Variants in PDZD2 observed in about 807,000 individuals in gnomAD.
PDZD2 encodes the protein PDZ domain-containing protein 2.
A neutral mutation model predicts 220.7 loss-of-function variants in PDZD2; 90 were observed. The observed-to-expected ratio is 0.41, with a 90% CI of 0.34 to 0.49. PDZD2 has a LOEUF of 0.49. PDZD2 is among the 20% of genes least tolerant of loss of function. The pLI is 0.28. For synonymous variants in PDZD2, 1,375 were observed against 1,450.5 expected, an observed-to-expected ratio of 0.95 and a Z score of 1.18; for missense variants, 3,174 against 3,608.5, an observed-to-expected ratio of 0.88 and a Z score of 3.08.
At position 31,989,424 on chromosome 5, in the gene PDZD2, T is replaced by TTTTTTTTTTTTTTTTTTTTTATTTATTTA. The variant is rs1429240437; in HGVS notation, c.978+5784_978+5785insTTTTATTTATTTATTTTTTTTTTTTTTTT. ...GGTATATACCACATTTTCTTTTCTTTTTTTTTTTTTTTTTTTGAGACGAAG... is the reference window on the plus strand; with the variant it reads ...GGTATATACCACATTTTCTTTTCTTTTTTTTTTTTTTTTTTTTTTTATTTATTTATTTTTTTTTTTTTTTTGAGACGAAG... On this transcript the variant is annotated intron_variant, in intron 3 of 24. Transcript: ENST00000438447. Among the ~76,000 whole-genome samples the TTTTTTTTTTTTTTTTTTTTTATTTATTTA allele has an allele frequency of 3.5e-3, 470 of 136,182 alleles. 3 individuals are homozygous for TTTTTTTTTTTTTTTTTTTTTATTTATTTA. Among genetic ancestry groups the TTTTTTTTTTTTTTTTTTTTTATTTATTTA allele is most frequent in the East Asian group, 0.014 (54 of 3,726 alleles). The allele number at this position is 136,182 out of a possible 152,430, so 89.3% of individuals were successfully genotyped here.
chr5:31,944,362 G>C (rs1350520473), intron 2 of PDZD2, among the ~76,000 whole-genome samples: 1 of 151,972 alleles, frequency 6.6e-6, no homozygotes, highest in African/African-American at 2.4e-5. Context: ...CAGGTGACTG[G>C]GGGATCTTGA....
chr5:31,777,055 C>A (rs1580733516), intron 1 of PDZD2, among the ~76,000 whole-genome samples: 1 of 152,308 alleles, frequency 6.6e-6, no homozygotes, highest in South Asian at 2.1e-4. Flanking sequence ...CCTCTCTGGG[C>A]TGGCCGAGCC....
At chr5:32,096,245 G>A (rs1252190069) in intron 21 of PDZD2, among the ~76,000 whole-genome samples, 1 of 152,112 alleles carries the variant, frequency 6.6e-6, no homozygotes, top group Non-Finnish European at 1.5e-5. Flanking sequence ...ACATATGGTT[G>A]AAGGTGCCCA....
intron 2 of PDZD2, among the ~76,000 whole-genome samples, chr5:31,909,361 A>G (rs1418608530): frequency 2.0e-5 from 3 of 152,216 alleles, no homozygotes; most frequent in African/African-American, 7.2e-5. Context: ...CACGTCATGT[A>G]GTTTGTCTAA....
chr5:31,676,290 C>T (rs1413493000), intron 1 of PDZD2, among the ~76,000 whole-genome samples: 1 of 152,176 alleles, frequency 6.6e-6, no homozygotes, highest in African/African-American at 2.4e-5. Flanking sequence ...ATTTCAAGCA[C>T]TCATAGGTCT....
chr5:31,810,910 T>C (rs1455502049), intron 2 of PDZD2, among the ~76,000 whole-genome samples: 2 of 152,276 alleles, frequency 1.3e-5, no homozygotes, highest in Admixed American at 1.3e-4. Flanking sequence ...CTTTGAGATG[T>C]GATCTTTCTC....
chr5:31,736,721 T>C (rs1321582800), intron 1 of PDZD2, among the ~76,000 whole-genome samples: 1 of 152,156 alleles, frequency 6.6e-6, no homozygotes, highest in Non-Finnish European at 1.5e-5. Context: ...AGTGTGGATA[T>C]TTGTCCCAGC....
chr5:31,966,927 A>G (rs951975676), intron 2 of PDZD2, among the ~76,000 whole-genome samples: 1 of 152,214 alleles, frequency 6.6e-6, no homozygotes, highest in Non-Finnish European at 1.5e-5. Context: ...TGCTCCGTAC[A>G]CTGTAGAGAA....
chr5:31,948,712 G>A (rs1746884920), intron 2 of PDZD2, among the ~76,000 whole-genome samples: 1 of 152,178 alleles, frequency 6.6e-6, no homozygotes, highest in Admixed American at 6.5e-5. Context: ...TGTGCTTCCT[G>A]GAGGGTACTT....
chr5:31,998,096 C>T (rs1000781686), intron 4 of PDZD2, among the ~76,000 whole-genome samples: 1 of 152,174 alleles, frequency 6.6e-6, no homozygotes, highest in Non-Finnish European at 1.5e-5. Flanking sequence ...CCATCTCAGC[C>T]TCCCAAGGGA....
intron 2 of PDZD2, among the ~76,000 whole-genome samples, chr5:31,815,245 C>CAAAAAAAAAAAAAAAAAAAA (rs59040987): frequency 2.1e-4 from 12 of 57,936 alleles, no homozygotes; most frequent in African/African-American, 8.1e-4. Context: ...AACTCTGTCT[C>CAAAAAAAAAAAAAAAAAAAA]AAAAAAAAAA....
Position 31,692,145 on chromosome 5 carries a change from C to G in PDZD2, c.-361+52708C>G, listed in dbSNP as rs554100499. ...CTCAGGCATGGCGGGCTGCAGGTCC[C>G]GAGCCCTGCTCGCGGGAAGGCAGCT... On this transcript the variant is annotated intron_variant, in intron 1 of 24. Coordinates refer to ENST00000438447, the MANE Select transcript of PDZD2 (RefSeq NM_178140.4). 1.3e-3 allele frequency among the ~76,000 whole-genome samples: 194 copies of G among 143,900 alleles called. 1 individual carries two copies. The highest frequency in any genetic ancestry group is 4.4e-3 in the Admixed American group (65 of 14,734). The allele number at this position is 143,900 out of a possible 152,430, so 94.4% of individuals were successfully genotyped here. A position where few individuals can be genotyped will look rare whatever the true frequency, so the allele number is the denominator to read the frequency against.
chr5:31,670,503 G>A (rs774613285), intron 1 of PDZD2, among the ~76,000 whole-genome samples: 13 of 152,170 alleles, frequency 8.5e-5, no homozygotes, highest in East Asian at 1.9e-4. Context: ...TGCAACCTCC[G>A]CCTCCCGGGT....
chr5:31,927,496 G>C (rs982117440), intron 2 of PDZD2, among the ~76,000 whole-genome samples: 1 of 152,142 alleles, frequency 6.6e-6, no homozygotes, highest in African/African-American at 2.4e-5. Context: ...TGATTCTCCT[G>C]CTTCAGCCTC....
intron 1 of PDZD2, among the ~76,000 whole-genome samples, chr5:31,699,788 T>TG (rs1437908383): frequency 2.1e-5 from 3 of 143,272 alleles, no homozygotes; most frequent in Admixed American, 7.0e-5. Context: ...TTTGTTTTTT[T>TG]TTTGTTTTTT....
intron 6 of PDZD2, among the ~76,000 whole-genome samples, chr5:32,026,391 G>A (rs904045534): frequency 6.6e-5 from 10 of 152,072 alleles, no homozygotes; most frequent in East Asian, 1.9e-4. Context: ...GCCCGCCTCC[G>A]CCTCCCAAAG....
intron 6 of PDZD2, among the ~76,000 whole-genome samples, chr5:32,027,888 G>GCTTC (rs1313471132): frequency 1.3e-5 from 2 of 152,130 alleles, no homozygotes; most frequent in African/African-American, 4.8e-5. Flanking sequence ...TGGAAAATGA[G>GCTTC]CTTCCTTTGG....
At position 31,662,891 on chromosome 5, in the gene PDZD2, A is replaced by G. The variant is rs148968196; in HGVS notation, c.-361+23454A>G. On this transcript the variant is annotated intron_variant, in intron 1 of 24. Coordinates refer to ENST00000438447, the MANE Select transcript of PDZD2 (RefSeq NM_178140.4). Reference sequence around the variant, plus strand: ...GTGATCCACCCGCTGTGGCCTCCCAAAGTGCTGGGATTACAGGTGTGAGCC... The same window carrying G: ...GTGATCCACCCGCTGTGGCCTCCCAGAGTGCTGGGATTACAGGTGTGAGCC... 3.8e-3 allele frequency among the ~76,000 whole-genome samples: 579 copies of G among 152,282 alleles called. 3 individuals carry two copies. Among genetic ancestry groups the G allele is most frequent in the African/African-American group, 0.013 (546 of 41,570 alleles).
At chr5:31,998,570 C>T (rs561243546) in intron 4 of PDZD2, among the ~76,000 whole-genome samples, 4 of 152,114 alleles carry the variant, frequency 2.6e-5, no homozygotes, top group Admixed American at 6.6e-5. Flanking sequence ...AGCTTCTGGG[C>T]GTGTCGGAGG....
Sources: allele counts gnomAD v4.1 joint callset (sites outside exome capture counted in the v4.1 genomes callset), GRCh38; gene constraint gnomAD v4.1.1; transcripts MANE v1.5; gene names NCBI Gene and HGNC (gene_info 2026-07-23, HGNC 2026-07-21).